Variants in EYA4 observed in about 807,000 individuals in gnomAD.
The protein encoded by EYA4 is EYA transcriptional coactivator and phosphatase 4.
A neutral mutation model predicts 87.9 loss-of-function variants in EYA4; 31 were observed. The ratio of observed to expected loss-of-function variants is 0.35; its 90% CI spans 0.27 to 0.48. EYA4 has a LOEUF of 0.48. Among genes scored for constraint, EYA4 ranks in the 20% least tolerant of loss-of-function variants. The pLI is 0.99. For missense variants in EYA4, 678 were observed against 761.4 expected (o/e 0.89, Z 1.29); for synonymous variants, 263 against 270.6 (o/e 0.97, Z 0.28).
chr6:133,506,118 G>A lies in EYA4; in HGVS notation c.1204G>A (p.Ala402Thr). The A allele has an allele frequency of 1.9e-6, 3 of 1,605,576 alleles. No individual in the cohort carries two copies. Among genetic ancestry groups the A allele is most frequent in the Non-Finnish European group, 2.6e-6 (3 of 1,172,428 alleles). Reference protein sequence around the residue: ...AQKYGKDPPMAVTLGLRMEEM... With the variant: ...AQKYGKDPPMTVTLGLRMEEM... ...ATTTTCTTTACAGGATCCCCCCATG[G>A]CTGTAACCCTTGGACTCCGCATGGA... The change falls in exon 14 of 20, where the codon GCT becomes ACT. Residue 402 changes from alanine to threonine, a missense_variant. By Grantham distance (58) the Ala-to-Thr change is moderately conservative. Transcript: ENST00000355286.
rs115111645 is a variant in EYA4, at chr6:133,255,512, C to T, written c.-66+13763C>T. Among the ~76,000 whole-genome samples the T allele has an allele frequency of 8.8e-3, 1,342 of 152,080 alleles. 20 individuals are homozygous for T. The highest frequency in any genetic ancestry group is 0.029 in the African/African-American group (1,223 of 41,502). ...ACTTTCTTAAAAAGTTTTAAAAATACGGATATATTTAAAGTAAAAAGTGGA... is the reference window on the plus strand; with the variant it reads ...ACTTTCTTAAAAAGTTTTAAAAATATGGATATATTTAAAGTAAAAAGTGGA... On this transcript the variant is annotated intron_variant, in intron 1 of 19. Transcript: ENST00000355286.
chr6:133,270,531 G>A (rs570165185), intron 1 of EYA4, among the ~76,000 whole-genome samples: 2 of 152,110 alleles, frequency 1.3e-5, no homozygotes, highest in Admixed American at 6.6e-5. Context: ...TACAGTCCCC[G>A]TTTCTGCAGT....
At chr6:133,337,238 G>A (rs1411155624) in intron 2 of EYA4, among the ~76,000 whole-genome samples, 3 of 152,186 alleles carry the variant, frequency 2.0e-5, no homozygotes, top group Non-Finnish European at 4.4e-5. Flanking sequence ...TGGAACACCA[G>A]TGAGGAGGCT....
intron 5 of EYA4, among the ~76,000 whole-genome samples, chr6:133,451,652 C>A (rs1320437144): frequency 6.6e-6 from 1 of 151,982 alleles, no homozygotes; most frequent in Non-Finnish European, 1.5e-5. Flanking sequence ...ATCCAGGAAC[C>A]AAAAGTCTAG....
chr6:133,341,822 A>G (rs1387385197), intron 2 of EYA4, among the ~76,000 whole-genome samples: 1 of 150,342 alleles, frequency 6.7e-6, no homozygotes, highest in Non-Finnish European at 1.5e-5. Context: ...TTACCATTCA[A>G]CAAGTGAAAT....
intron 3 of EYA4, among the ~76,000 whole-genome samples, chr6:133,426,161 G>A (rs911877497): frequency 7.9e-5 from 12 of 151,840 alleles, no homozygotes; most frequent in Non-Finnish European, 1.5e-4. Flanking sequence ...TCTATGCCAA[G>A]TGTCTACAAC....
intron 1 of EYA4, among the ~76,000 whole-genome samples, chr6:133,272,445 C>T (rs79248628): frequency 0.026 from 3,911 of 152,262 alleles, 151 homozygotes; most frequent in African/African-American, 0.084. Context: ...CTGCTCTGTA[C>T]GACCTTCTTT....
intron 2 of EYA4, among the ~76,000 whole-genome samples, chr6:133,381,370 GA>G (rs1434158517): frequency 2.6e-5 from 4 of 151,992 alleles, no homozygotes; most frequent in Non-Finnish European, 4.4e-5. Context: ...AACAGAGGAG[GA>G]AAAAATTACT....
chr6:133,481,007 G>A (rs981866823), intron 11 of EYA4, among the ~76,000 whole-genome samples: 9 of 148,772 alleles, frequency 6.0e-5, no homozygotes, highest in African/African-American at 1.3e-4. Flanking sequence ...TGGGAGAGGT[G>A]GAAGGGAAGA....
chr6:133,523,814 T>C (rs1256393978), intron 18 of EYA4, among the ~76,000 whole-genome samples: 1 of 152,102 alleles, frequency 6.6e-6, no homozygotes, highest in Non-Finnish European at 1.5e-5. Flanking sequence ...CATCAACTTC[T>C]GCCTTATTGA....
chr6:133,355,699 A>G lies in EYA4; in HGVS notation c.34-26693A>G, dbSNP rs575313610. On this transcript the variant is annotated intron_variant, in intron 2 of 19. Transcript: ENST00000355286. Reference sequence around the variant, plus strand: ...TCTAAAGAGATTTGTATTGTTATTTATATTCAAAGATTAAGCTTCTTGTGT... The same window carrying G: ...TCTAAAGAGATTTGTATTGTTATTTGTATTCAAAGATTAAGCTTCTTGTGT... Among the ~76,000 whole-genome samples the G allele has an allele frequency of 8.5e-5, 13 of 152,326 alleles. No individual in the cohort carries two copies. The South Asian group carries it at 2.7e-3, about 32-fold the overall frequency.
chr6:133,275,112 C>T (rs1332682017), intron 2 of EYA4, among the ~76,000 whole-genome samples: 1 of 151,954 alleles, frequency 6.6e-6, no homozygotes. Context: ...TTATATACGT[C>T]CTTTATTATT....
At position 133,446,754 on chromosome 6, in the gene EYA4, G is replaced by A. The variant is rs1792884167; in HGVS notation, c.208G>A (p.Gly70Arg). 6.2e-7 allele frequency: 1 copy of A among 1,613,708 alleles called. No homozygotes were observed. Among genetic ancestry groups the A allele is most frequent in the Non-Finnish European group, 8.5e-7 (1 of 1,179,858 alleles). ...STSVTTNGTG[G>R]ENMTVLNTAD... Reference sequence around the variant, plus strand: ...ATCAGTTACTACAAATGGGACAGGAGGTAAGTGTACTACCCTGAAGATACC... The same window carrying A: ...ATCAGTTACTACAAATGGGACAGGAAGTAAGTGTACTACCCTGAAGATACC... The change falls in exon 4 of 20, where the codon GGG (glycine) becomes AGG (arginine). Residue 70 changes from glycine to arginine, a missense_variant and splice_region_variant. Physicochemically the swap from Gly to Arg is moderately radical, Grantham distance 125. Coordinates refer to ENST00000355286, the MANE Select transcript of EYA4 (RefSeq NM_004100.5).
chr6:133,394,290 T>TTTTTG lies in EYA4; in HGVS notation c.83+11853_83+11854insGTTTT, dbSNP rs1562369191. Among the ~76,000 whole-genome samples, 65 of 31,516 alleles carry TTTTTG rather than the reference T, an allele frequency of 2.1e-3. 1 individual carries two copies. Among genetic ancestry groups the TTTTTG allele is most frequent in the African/African-American group, 3.3e-3 (57 of 17,280 alleles). 20.7% of individuals were successfully genotyped at this position (31,516 alleles called of 152,430 possible). On this transcript the variant is annotated intron_variant, in intron 3 of 19. Coordinates refer to ENST00000355286, the MANE Select transcript of EYA4 (RefSeq NM_004100.5). ...AATGTATATATAAGCTTGTGTTTTT[T>TTTTTG]TTTTTTTTTTTTTTTTTTTTTTTTT...
chr6:133,410,997 C>T (rs1358359967), intron 3 of EYA4, among the ~76,000 whole-genome samples: 3 of 151,722 alleles, frequency 2.0e-5, no homozygotes, highest in African/African-American at 7.3e-5. Flanking sequence ...CTACCCCCAC[C>T]ACCCCCTGAC....
At chr6:133,401,485 A>G (rs1055071037) in intron 3 of EYA4, among the ~76,000 whole-genome samples, 3 of 152,212 alleles carry the variant, frequency 2.0e-5, no homozygotes, top group East Asian at 1.9e-4. Context: ...GAATGTATCA[A>G]ATTATCACAC....
chr6:133,346,328 T>G (rs1783191703), intron 2 of EYA4, among the ~76,000 whole-genome samples: 1 of 152,214 alleles, frequency 6.6e-6, no homozygotes, highest in South Asian at 2.1e-4. Flanking sequence ...TTACATAATC[T>G]TTCTTGACGT....
intron 1 of EYA4, among the ~76,000 whole-genome samples, chr6:133,256,490 A>G (rs1164849740): frequency 1.1e-4 from 16 of 152,020 alleles, no homozygotes. Flanking sequence ...TAAGCACCTT[A>G]CATATATTAC....
intron 13 of EYA4, among the ~76,000 whole-genome samples, chr6:133,488,413 G>A (rs1410216156): frequency 6.6e-6 from 1 of 152,106 alleles, no homozygotes; most frequent in East Asian, 1.9e-4. Flanking sequence ...ATAGGTGGTA[G>A]CCAGGCAGTG....
Sources: gnomAD v4.1 joint callset for allele counts (sites outside exome capture counted in the v4.1 genomes callset) on GRCh38, gnomAD v4.1.1 for gene constraint, MANE v1.5 for transcripts, NCBI Gene and HGNC (gene_info 2026-07-23, HGNC 2026-07-21) for gene names.